Variants in CEP57 observed in about 807,000 individuals in gnomAD.
The protein encoded by CEP57 is centrosomal protein 57.
In CEP57, 40 loss-of-function variants were observed where a neutral mutation model predicts 68.0. The ratio of observed to expected loss-of-function variants is 0.59; its 90% CI spans 0.46 to 0.77. The LOEUF (loss-of-function observed/expected upper bound fraction) is 0.77, where lower values mean the gene tolerates loss of function less well. CEP57 is among the 30% of genes least tolerant of loss of function. The probability of loss-of-function intolerance (pLI) is 0.00; values close to 1 mark genes in which losing one functional copy is unlikely to be tolerated. For missense variants in CEP57, 606 were observed against 580.7 expected (o/e 1.04, Z -0.45); for synonymous variants, 219 against 198.7 (o/e 1.10, Z -0.86).
chr11:95,817,599 C>T (rs1862351334), intron 4 of CEP57, among the ~76,000 whole-genome samples, 188 bp from the exon 5 acceptor site: 1 of 152,118 alleles, frequency 6.6e-6, no homozygotes, highest in Non-Finnish European at 1.5e-5. Context: ...TAAGCCAAGG[C>T]AACTGAGCTA....
In CEP57 at chr11:95,829,113, CAT is replaced by C. The variant is rs1257164888; in HGVS notation, c.1128-72_1128-71del. 4 of 1,476,828 alleles carry C rather than the reference CAT, an allele frequency of 2.7e-6. No homozygotes were observed. The African/African-American group carries it at 5.5e-5, about 20-fold the overall frequency. 91.5% of individuals were successfully genotyped at this position (1,476,828 alleles called of 1,614,324 possible). A position where few individuals can be genotyped will look rare whatever the true frequency, so the allele number is the denominator to read the frequency against. On this transcript the variant is annotated intron_variant, in intron 9 of 10. Transcript: ENST00000325542. Reference sequence around the variant, plus strand: ...TTTTTAAACACATGGAGCAGTAACCCATAATGAGGTATAATAGACCTAACCAT... The same window carrying C: ...TTTTTAAACACATGGAGCAGTAACCCAATGAGGTATAATAGACCTAACCAT...
Position 95,811,429 on chromosome 11 carries a change from G to A in CEP57, c.203-1503G>A, listed in dbSNP as rs576380939. ...GGAACATCACACACCGGGGCCTGTC[G>A]TGGGTTGGGGGGAGGGGGGAGGGAT... On this transcript the variant is annotated intron_variant, in intron 2 of 10. Transcript: ENST00000325542. Among the ~76,000 whole-genome samples the A allele has an allele frequency of 3.5e-5, 5 of 141,530 alleles. No individual in the cohort carries two copies. The East Asian group carries it at 8.4e-4, about 24-fold the overall frequency. 92.8% of individuals were successfully genotyped at this position (141,530 alleles called of 152,430 possible). A position where few individuals can be genotyped will look rare whatever the true frequency, so the allele number is the denominator to read the frequency against.
intron 1 of CEP57, chr11:95,794,287 G>C (rs1040943739): frequency 4.4e-6 from 2 of 455,640 alleles, no homozygotes; most frequent in Non-Finnish European, 8.8e-6. Context: ...GACTCAACCC[G>C]TATCATTTTC....
chr11:95,823,432 T>G (rs1431424929), intron 8 of CEP57, among the ~76,000 whole-genome samples: 2 of 152,116 alleles, frequency 1.3e-5, no homozygotes, highest in Non-Finnish European at 2.9e-5. Context: ...TTGAAAAAAC[T>G]TGCAAACTAT....
At chr11:95,808,182 C>T (rs974042987) in intron 2 of CEP57, among the ~76,000 whole-genome samples, 1 of 151,924 alleles carries the variant, frequency 6.6e-6, no homozygotes, top group African/African-American at 2.4e-5. Flanking sequence ...GATTTTGTTA[C>T]CACCAGGCCT....
intron 2 of CEP57, among the ~76,000 whole-genome samples, chr11:95,803,122 T>C (rs1035326306): frequency 1.3e-5 from 2 of 152,192 alleles, no homozygotes; most frequent in African/African-American, 4.8e-5. Flanking sequence ...GAAAGATTTA[T>C]GCATATTTTG....
chr11:95,817,351 G>A (rs1862340755), intron 4 of CEP57, among the ~76,000 whole-genome samples: 1 of 152,156 alleles, frequency 6.6e-6, no homozygotes, highest in African/African-American at 2.4e-5. Flanking sequence ...GGGCGACAGA[G>A]CGAGACTCTA....
chr11:95,830,611 A>G (rs632388), intron 10 of CEP57, among the ~76,000 whole-genome samples: 42,345 of 152,046 alleles, frequency 0.28, 7,072 homozygotes, highest in Non-Finnish European at 0.38. Flanking sequence ...TTTCTAGAAT[A>G]TCTTTCTCCT....
chr11:95,827,800 C>T lies in CEP57; in HGVS notation c.900C>T (p.Ser300=). The change falls in exon 9 of 11, where the codon AGC becomes AGT. Residue 300 remains serine (S), a synonymous_variant. Coordinates refer to ENST00000325542, the MANE Select transcript of CEP57 (RefSeq NM_014679.5). ...PFVAGKSTSP[S]HAVVANVQLV... ...TCTTCCTTTAGTCCACAAGCCCTAG[C>T]CATGCCGTGGTAGCCAATGTTCAGC... 6.2e-7 allele frequency: 1 copy of T among 1,614,056 alleles called. No homozygotes were observed.
chr11:95,812,836 C>A (rs1243049496), intron 2 of CEP57, 96 bp from the exon 3 acceptor site: 9 of 1,078,408 alleles, frequency 8.3e-6, no homozygotes, highest in Non-Finnish European at 1.3e-5. Context: ...ACTCATCCAT[C>A]AATTTTATTT....
chr11:95,797,093 A>G (rs940153431), intron 1 of CEP57, among the ~76,000 whole-genome samples: 4 of 151,774 alleles, frequency 2.6e-5, no homozygotes, highest in Non-Finnish European at 4.4e-5. Context: ...ACTGGGCTCA[A>G]TCTGTCCCTT....
intron 2 of CEP57, among the ~76,000 whole-genome samples, chr11:95,808,559 G>C (rs774050975): frequency 6.6e-6 from 1 of 152,048 alleles, no homozygotes; most frequent in African/African-American, 2.4e-5. Context: ...AAAAAGGCAG[G>C]GGTTGCAATC....
chr11:95,822,759 A>T (rs1862568761), intron 8 of CEP57, 183 bp downstream of exon 8: 1 of 622,778 alleles, frequency 1.6e-6, no homozygotes, highest in African/African-American at 1.8e-5. Context: ...CAAGGAAGAG[A>T]TGGGGAGGAT....
At chr11:95,822,657 A>G in intron 8 of CEP57, 81 bp downstream of exon 8, 1 of 835,126 alleles carries the variant, frequency 1.2e-6, no homozygotes, top group Non-Finnish European at 1.9e-6. Context: ...TATGTCTACA[A>G]ATGGAAGGAA....
At position 95,827,826 on chromosome 11, in the gene CEP57, T is replaced by G. The variant is rs567427808; in HGVS notation, c.926T>G (p.Leu309Arg). The G allele has an allele frequency of 9.9e-6, 16 of 1,614,112 alleles. No individual in the cohort carries two copies. The African/African-American group carries it at 1.6e-4, about 16-fold the overall frequency. ...PSHAVVANVQ[L>R]VLHLMKQHSK... Reference sequence around the variant, plus strand: ...CATGCCGTGGTAGCCAATGTTCAGCTTGTCTTGCATCTAATGAAGCAACAC... The same window carrying G: ...CATGCCGTGGTAGCCAATGTTCAGCGTGTCTTGCATCTAATGAAGCAACAC... Residue 309 changes from leucine to arginine, a missense_variant, in exon 9 of 11, where the codon CTT becomes CGT. Transcript: ENST00000325542.
intron 2 of CEP57, among the ~76,000 whole-genome samples, chr11:95,808,957 A>G (rs1861930931): frequency 1.3e-5 from 2 of 152,222 alleles, no homozygotes; most frequent in African/African-American, 4.8e-5. Flanking sequence ...GTTGGAAGTA[A>G]AGCACTCCTC....
chr11:95,827,818 T>C lies in CEP57; in HGVS notation c.918T>C (p.Asn306=), dbSNP rs984460249. 1.9e-6 allele frequency: 3 copies of C among 1,614,148 alleles called. No individual in the cohort carries two copies. Among genetic ancestry groups the C allele is most frequent in the Non-Finnish European group, 2.5e-6 (3 of 1,180,008 alleles). ...GCCCTAGCCATGCCGTGGTAGCCAATGTTCAGCTTGTCTTGCATCTAATGA... is the reference window on the plus strand; with the variant it reads ...GCCCTAGCCATGCCGTGGTAGCCAACGTTCAGCTTGTCTTGCATCTAATGA... ...STSPSHAVVA[N]VQLVLHLMKQ... is the part of the protein sequence containing the mutation. Residue 306 remains asparagine (N), a synonymous_variant, in exon 9 of 11, where the codon AAT becomes AAC. Transcript: ENST00000325542.
rs151305907 is a variant in CEP57 at position 95,792,386 on chromosome 11, T to C, written c.45+1643T>C. ...GGCTCATGCCTGTAATACCAGCTAC[T>C]AGTGAGGCTGAGGCGGGAGGATCAC... On this transcript the variant is annotated intron_variant, in intron 1 of 10. Coordinates refer to ENST00000325542, the MANE Select transcript of CEP57 (RefSeq NM_014679.5). 6.5e-3 allele frequency among the ~76,000 whole-genome samples: 995 copies of C among 152,280 alleles called. 7 individuals are homozygous for C. The highest frequency in any genetic ancestry group is 0.011 in the Non-Finnish European group (722 of 68,002).
At chr11:95,813,655 CT>C in intron 4 of CEP57, 66 bp downstream of exon 4, 3 of 1,589,200 alleles carry the variant, frequency 1.9e-6, no homozygotes, top group Non-Finnish European at 1.7e-6. Context: ...TGAATAAAGA[CT>C]TTTTTTCTTT....
Sources: allele counts gnomAD v4.1 joint callset (sites outside exome capture counted in the v4.1 genomes callset), GRCh38; gene constraint gnomAD v4.1.1; transcripts MANE v1.5; gene names NCBI Gene and HGNC (gene_info 2026-07-23, HGNC 2026-07-21).